The following LEKR1 variants were observed in gnomAD, a reference collection of about 807,000 sequenced individuals.
LEKR1 encodes the protein leucine, glutamate and lysine rich 1.
In LEKR1, 59 loss-of-function variants were observed where a neutral mutation model predicts 72.4. The ratio of observed to expected loss-of-function variants is 0.82; its 90% confidence interval spans 0.66 to 1.01. The LOEUF is 1.01. Ranked by LOEUF, LEKR1 falls within the 50% of genes least tolerant of loss-of-function variation. The probability of loss-of-function intolerance (pLI) is 0.00; values close to 1 mark genes in which losing one functional copy is unlikely to be tolerated. For synonymous variants in LEKR1, 257 were observed against 263.2 expected, an observed-to-expected ratio of 0.98 and a Z score of 0.23; for missense variants, 728 against 759.2, an observed-to-expected ratio of 0.96 and a Z score of 0.48.
chr3:156,992,967 T>A, intron 8 of LEKR1, 107 bp from the exon 9 acceptor site: 1 of 599,288 alleles, frequency 1.7e-6, no homozygotes, highest in Non-Finnish European at 2.7e-6. Flanking sequence ...TTTTTTAAAG[T>A]TACAGTTATA....
At chr3:156,916,983 AAG>A (rs1723716106) in intron 3 of LEKR1, among the ~76,000 whole-genome samples, 1 of 152,108 alleles carries the variant, frequency 6.6e-6, no homozygotes, top group Non-Finnish European at 1.5e-5. Context: ...AAAACAAAGA[AAG>A]AGTCTCAAAG....
chr3:156,944,061 G>T, intron 6 of LEKR1, among the ~76,000 whole-genome samples: 1 of 149,378 alleles, frequency 6.7e-6, no homozygotes, highest in African/African-American at 2.5e-5. Flanking sequence ...GACTTTTTAT[G>T]GTAAATTTTA....
chr3:156,908,904 C>A (rs546365162), intron 3 of LEKR1, among the ~76,000 whole-genome samples: 1 of 152,248 alleles, frequency 6.6e-6, no homozygotes, highest in East Asian at 1.9e-4. Context: ...GGCTGTGTGT[C>A]CCCTCCCAAA....
chr3:156,987,298 G>T (rs573562104), intron 7 of LEKR1, among the ~76,000 whole-genome samples: 52 of 152,136 alleles, frequency 3.4e-4, no homozygotes, highest in Non-Finnish European at 6.3e-4. Flanking sequence ...GGCTTAACTG[G>T]TGTGGGGCAG....
At chr3:156,972,647 TAA>T (rs1205827437) in intron 6 of LEKR1, among the ~76,000 whole-genome samples, 2 of 151,358 alleles carry the variant, frequency 1.3e-5, no homozygotes, top group African/African-American at 4.8e-5. Context: ...GTAATATATA[TAA>T]GGACAAATAT....
chr3:156,872,873 C>T (rs1181959080), intron 3 of LEKR1, among the ~76,000 whole-genome samples: 1 of 151,836 alleles, frequency 6.6e-6, no homozygotes. Context: ...TATAGTCTAT[C>T]CTGGAGAATA....
intron 9 of LEKR1, among the ~76,000 whole-genome samples, chr3:157,000,081 C>A (rs1731888896): frequency 1.3e-5 from 2 of 152,160 alleles, no homozygotes; most frequent in Non-Finnish European, 2.9e-5. Context: ...CACAGCCCTG[C>A]AGAAAGCAAC....
intron 12 of LEKR1, among the ~76,000 whole-genome samples, chr3:157,032,723 A>G (rs1734702318): frequency 6.6e-6 from 1 of 152,176 alleles, no homozygotes; most frequent in African/African-American, 2.4e-5. Flanking sequence ...GTGACACAAC[A>G]CTGGAGAGGC....
chr3:156,834,212 C>G (rs989430344), intron 2 of LEKR1, among the ~76,000 whole-genome samples: 1 of 152,136 alleles, frequency 6.6e-6, no homozygotes, highest in Non-Finnish European at 1.5e-5. Context: ...AACCATTATT[C>G]TGACACATGG....
At chr3:156,980,385 A>G (rs1260959524) in intron 7 of LEKR1, among the ~76,000 whole-genome samples, 1 of 152,218 alleles carries the variant, frequency 6.6e-6, no homozygotes, top group African/African-American at 2.4e-5. Context: ...GGAAAATAAA[A>G]TATTCATACT....
In LEKR1 at chr3:156,885,298, T is replaced by A. The variant is rs545423846; in HGVS notation, c.263+32316T>A. Among the ~76,000 whole-genome samples, 14 of 152,336 alleles carry A rather than the reference T, an allele frequency of 9.2e-5. No homozygotes were observed. The East Asian group carries it at 2.7e-3, about 29-fold the overall frequency. On this transcript the variant is annotated intron_variant, in intron 3 of 12. Coordinates refer to ENST00000356539, the MANE Select transcript of LEKR1 (RefSeq NM_001004316.3). Reference sequence around the variant, plus strand: ...TTTATTTGGCAATTCAGAGATTTCTTCCTGGTTTGGATCCATTGCTGGGGA... The same window carrying A: ...TTTATTTGGCAATTCAGAGATTTCTACCTGGTTTGGATCCATTGCTGGGGA...
intron 2 of LEKR1, among the ~76,000 whole-genome samples, chr3:156,836,483 T>C (rs1713164652): frequency 6.6e-6 from 1 of 152,110 alleles, no homozygotes; most frequent in African/African-American, 2.4e-5. Flanking sequence ...ATATGTATAG[T>C]GTAAATATCA....
chr3:156,873,436 A>T (rs1231967690), intron 3 of LEKR1, among the ~76,000 whole-genome samples: 1 of 152,072 alleles, frequency 6.6e-6, no homozygotes, highest in Non-Finnish European at 1.5e-5. Context: ...TTGATATGCA[A>T]AGGCATATTC....
At chr3:156,979,125 G>T (rs1729955434) in intron 6 of LEKR1, 69 bp from the exon 7 acceptor site, 1 of 688,310 alleles carries the variant, frequency 1.5e-6, no homozygotes, top group Non-Finnish European at 2.3e-6. Context: ...AAAGAATATG[G>T]TTTACTCTAT....
At chr3:156,835,863 CTTTTTTTTTTT>C (rs59061418) in intron 2 of LEKR1, among the ~76,000 whole-genome samples, 7 of 55,508 alleles carry the variant, frequency 1.3e-4, no homozygotes, top group Admixed American at 3.3e-4. Flanking sequence ...CTCTGTCTCA[CTTTTTTTTTTT>C]TTTTTTTTTT....
intron 9 of LEKR1, among the ~76,000 whole-genome samples, chr3:156,995,093 G>A (rs551947770): frequency 6.6e-6 from 1 of 152,084 alleles, no homozygotes; most frequent in Non-Finnish European, 1.5e-5. Flanking sequence ...AATCAACCTG[G>A]GAAATACTAT....
intron 10 of LEKR1, among the ~76,000 whole-genome samples, chr3:157,016,396 TG>T (rs1269848947): frequency 6.6e-6 from 1 of 151,796 alleles, no homozygotes; most frequent in Admixed American, 6.6e-5. Context: ...TCAGAAACAA[TG>T]CAAGCAAAAA....
chr3:156,964,607 C>T (rs1335086597), intron 6 of LEKR1, among the ~76,000 whole-genome samples: 7 of 152,080 alleles, frequency 4.6e-5, no homozygotes, highest in Non-Finnish European at 7.4e-5. Context: ...CTTTAGAAGA[C>T]AAGGAGAAAA....
intron 9 of LEKR1, among the ~76,000 whole-genome samples, chr3:157,005,048 C>G (rs990550315): frequency 6.6e-6 from 1 of 151,726 alleles, no homozygotes; most frequent in East Asian, 1.9e-4. Flanking sequence ...GTAGACTAAT[C>G]AGGAATAAAA....
Sources: gnomAD v4.1 joint callset for allele counts (sites outside exome capture counted in the v4.1 genomes callset) on GRCh38, gnomAD v4.1.1 for gene constraint, MANE v1.5 for transcripts, NCBI Gene and HGNC (gene_info 2026-07-23, HGNC 2026-07-21) for gene names.